SCEL: variants seen among roughly 807,000 people sequenced by gnomAD.
SCEL encodes the protein sciellin.
A neutral mutation model predicts 117.6 loss-of-function variants in SCEL; 113 were observed. That is an observed-to-expected ratio of 0.96 (90% CI 0.83 to 1.12). The LOEUF (loss-of-function observed/expected upper bound fraction) is 1.12. Ranked by LOEUF, SCEL falls within the 50% of genes most tolerant of loss-of-function variation. The probability of loss-of-function intolerance (pLI) is 0.00; values close to 1 mark genes in which losing one functional copy is unlikely to be tolerated. For synonymous variants in SCEL, 270 were observed against 256.2 expected, an observed-to-expected ratio of 1.05 and a Z score of -0.51; for missense variants, 785 against 810.8, an observed-to-expected ratio of 0.97 and a Z score of 0.39.
At chr13:77,553,887 A>C (rs558220279) in intron 1 of SCEL, among the ~76,000 whole-genome samples, 2 of 152,114 alleles carry the variant, frequency 1.3e-5, no homozygotes, top group Non-Finnish European at 2.9e-5. Flanking sequence ...CTAAGGTGAC[A>C]CAGTCAGTAA....
chr13:77,572,237 AC>A lies in SCEL; in HGVS notation c.545+49del. ...AATTGCTGTGCCATTAGATGGAAGAACATGTCAGACATTGACAACATATAAT... is the reference window on the plus strand; with the variant it reads ...AATTGCTGTGCCATTAGATGGAAGAAATGTCAGACATTGACAACATATAAT... On this transcript the variant is annotated intron_variant, in intron 9 of 32. Transcript: ENST00000349847. 2.2e-6 allele frequency: 3 copies of A among 1,351,990 alleles called. 1 individual carries two copies. The Middle Eastern group carries it at 5.4e-4, about 244-fold the overall frequency. 83.7% of individuals were successfully genotyped at this position (1,351,990 alleles called of 1,614,324 possible).
chr13:77,628,694 C>A (rs1401792145), intron 28 of SCEL, among the ~76,000 whole-genome samples: 1 of 152,000 alleles, frequency 6.6e-6, no homozygotes, highest in African/African-American at 2.4e-5. Flanking sequence ...GTGCAGTTAC[C>A]TTTTCTATTA....
rs1192178224 is a variant in SCEL, at chr13:77,604,762, CATGT to C, written c.1157+356_1157+359del. ...TAAGTAGTGTGTTTATATATAAGTG[CATGT>C]ATGTATGTGTAAGTGCATATGTATG... On this transcript the variant is annotated intron_variant, in intron 19 of 32. Coordinates refer to ENST00000349847, the MANE Select transcript of SCEL (RefSeq NM_144777.3). Among the ~76,000 whole-genome samples the C allele has an allele frequency of 2.0e-5, 3 of 152,162 alleles. No homozygotes were observed. In the East Asian group the frequency reaches 5.8e-4, roughly 29 times the overall value.
intron 29 of SCEL, 100 bp from the exon 30 acceptor site, chr13:77,637,020 A>T (rs1274640152): frequency 3.6e-6 from 2 of 548,494 alleles, no homozygotes; most frequent in Non-Finnish European, 6.5e-6. Context: ...ATACACAAAG[A>T]TAAAATATTA....
At chr13:77,617,165 T>C (rs2089114669) in intron 24 of SCEL, among the ~76,000 whole-genome samples, 1 of 152,166 alleles carries the variant, frequency 6.6e-6, no homozygotes, top group Non-Finnish European at 1.5e-5. Context: ...ACAATTTTGA[T>C]GGATTGCTGG....
At chr13:77,598,595 C>T (rs1298616566) in intron 13 of SCEL, among the ~76,000 whole-genome samples, 2 of 152,196 alleles carry the variant, frequency 1.3e-5, no homozygotes, top group African/African-American at 2.4e-5. Context: ...CTTCTCAGCT[C>T]AGCTCCAGCT....
At chr13:77,566,247 G>C (rs191915727) in intron 5 of SCEL, among the ~76,000 whole-genome samples, 54 of 152,274 alleles carry the variant, frequency 3.5e-4, no homozygotes, top group Admixed American at 3.2e-3. Context: ...TTGGGAGATA[G>C]ACTACTTTCT....
At position 77,584,807 on chromosome 13, in the gene SCEL, A is replaced by G. The variant is rs117676134; in HGVS notation, c.546-4337A>G. 3.7e-3 allele frequency among the ~76,000 whole-genome samples: 559 copies of G among 152,318 alleles called. 12 individuals carry two copies. In the East Asian group the frequency reaches 0.083, roughly 23 times the overall value. ...ATGTAACCAATGAATCCACACAGAT[A>G]CACTAAAGACTGTATCACTTGATGC... On this transcript the variant is annotated intron_variant, in intron 9 of 32. Transcript: ENST00000349847.
In SCEL at chr13:77,592,543, TTTC is replaced by T. The variant is rs199629385; in HGVS notation, c.693-955_693-953del. Among the ~76,000 whole-genome samples the T allele has an allele frequency of 7.8e-3, 1,175 of 150,802 alleles. 23 individuals carry two copies. Among genetic ancestry groups the T allele is most frequent in the African/African-American group, 0.027 (1,081 of 40,760 alleles). On this transcript the variant is annotated intron_variant, in intron 11 of 32. Coordinates refer to ENST00000349847, the MANE Select transcript of SCEL (RefSeq NM_144777.3). ...TCTATGAGATACTGAGTTCTTTTCT[TTTC>T]TTCTTCTTCTTCTTCCTTTTTTTTT...
At position 77,625,908 on chromosome 13, in the gene SCEL, A is replaced by G. The variant is rs1367046526; in HGVS notation, c.1629-2039A>G. On this transcript the variant is annotated intron_variant, in intron 27 of 32. Transcript: ENST00000349847. ...TGTGACAATTTAGGACAGAAATAAAAATGTGAAAGTGGCCTCTCAAAATGT... is the reference window on the plus strand; with the variant it reads ...TGTGACAATTTAGGACAGAAATAAAGATGTGAAAGTGGCCTCTCAAAATGT... 2.0e-5 allele frequency among the ~76,000 whole-genome samples: 3 copies of G among 152,220 alleles called. 1 individual carries two copies. Among genetic ancestry groups the G allele is most frequent in the Non-Finnish European group, 4.4e-5 (3 of 68,036 alleles).
chr13:77,564,162 A>G (rs1390877389), intron 5 of SCEL, among the ~76,000 whole-genome samples: 2 of 150,478 alleles, frequency 1.3e-5, no homozygotes, highest in East Asian at 3.9e-4. Flanking sequence ...TAGGGTGGGT[A>G]CTGTGCAGAA....
intron 4 of SCEL, among the ~76,000 whole-genome samples, chr13:77,560,703 A>G (rs2084931590): frequency 6.6e-6 from 1 of 152,202 alleles, no homozygotes; most frequent in African/African-American, 2.4e-5. Flanking sequence ...AAAATAGAGA[A>G]TATTCTTACC....
chr13:77,572,159 A>G lies in SCEL; in HGVS notation c.515A>G (p.Asn172Ser), dbSNP rs1567365586. 6.2e-7 allele frequency: 1 copy of G among 1,612,750 alleles called. No homozygotes were observed. Among genetic ancestry groups the G allele is most frequent in the Admixed American group, 1.7e-5 (1 of 59,906 alleles). The change falls in exon 9 of 33, where the codon AAT (asparagine) becomes AGT (serine). Residue 172 changes from asparagine to serine, a missense_variant. Asn to Ser is a conservative substitution (Grantham distance 46, BLOSUM62 1). Transcript: ENST00000349847. The part of the protein sequence containing the change: ...SWFPPPPPGY[N>S]ASSSTGTRRR... The stretch of plus-strand genomic sequence containing the variant: ...TTTCCACCGCCCCCTCCAGGTTACA[A>G]TGCCTCCTCGAGCACAGGAACCAGG...
At chr13:77,599,603 A>T (rs960363735) in intron 14 of SCEL, 86 bp from the exon 15 acceptor site, 4 of 1,027,956 alleles carry the variant, frequency 3.9e-6, no homozygotes, top group Non-Finnish European at 6.2e-6. Flanking sequence ...ATTCATGGAG[A>T]ATGTTTATTG....
chr13:77,603,263 C>T (rs905574621), intron 18 of SCEL, 128 bp downstream of exon 18: 18 of 472,846 alleles, frequency 3.8e-5, no homozygotes, highest in Non-Finnish European at 5.9e-5. Flanking sequence ...ATAGGCCACA[C>T]GACCATCCCT....
intron 3 of SCEL, among the ~76,000 whole-genome samples, chr13:77,558,222 A>G (rs919695529): frequency 4.6e-5 from 7 of 152,202 alleles, no homozygotes; most frequent in African/African-American, 1.7e-4. Context: ...ATGCTTTCCC[A>G]GGAAAACCCA....
At chr13:77,638,238 T>C (rs918256455) in intron 30 of SCEL, among the ~76,000 whole-genome samples, 2 of 152,190 alleles carry the variant, frequency 1.3e-5, no homozygotes, top group African/African-American at 2.4e-5. Flanking sequence ...CAAAATTATA[T>C]CCCTTTCTTG....
chr13:77,555,955 T>C, intron 2 of SCEL, 37 bp downstream of exon 2: 7 of 1,576,866 alleles, frequency 4.4e-6, no homozygotes, highest in Non-Finnish European at 6.1e-6. Flanking sequence ...CAGAAAACTT[T>C]AAAATTTTGG....
Position 77,634,431 on chromosome 13 carries a change from AGGACAT to A in SCEL, c.1745_1750del (p.Arg582_Tyr584delinsAsn). The A allele has an allele frequency of 6.2e-7, 1 of 1,612,732 alleles. No homozygotes were observed. Among genetic ancestry groups the A allele is most frequent in the East Asian group, 2.2e-5 (1 of 44,784 alleles). On this transcript the variant is annotated inframe_deletion, in exon 29 of 33. Transcript: ENST00000349847. The stretch of plus-strand genomic sequence containing the variant: ...ACCACAGGATACTGTTGTGTACACA[AGGACAT>A]ATGTGGAGAATAGGTATTCAAAATT...
Sources: allele counts gnomAD v4.1 joint callset (sites outside exome capture counted in the v4.1 genomes callset), GRCh38; gene constraint gnomAD v4.1.1; transcripts MANE v1.5; gene names NCBI Gene and HGNC (gene_info 2026-07-23, HGNC 2026-07-21).